Variants in PASK observed in about 807,000 individuals in gnomAD.
PASK encodes PAS domain-containing serine/threonine-protein kinase.
PASK carries 110 observed loss-of-function variants against 121.0 expected under a neutral mutation model. The observed-to-expected ratio is 0.91, with a 90% confidence interval of 0.78 to 1.06. PASK has a LOEUF of 1.06. PASK is among the 50% of genes least tolerant of loss of function. The pLI is 0.00. For synonymous variants in PASK, 686 were observed against 717.8 expected (o/e 0.96, Z 0.71); for missense variants, 1,643 against 1,702.3 (o/e 0.97, Z 0.61).
intron 1 of PASK, among the ~76,000 whole-genome samples, chr2:241,143,983 C>G (rs2125457465): frequency 1.3e-5 from 2 of 152,360 alleles, no homozygotes; most frequent in Middle Eastern, 6.8e-3. Context: ...CTTCCGAGTT[C>G]CCTCTCATGG....
chr2:241,108,111 AG>A lies in PASK; in HGVS notation c.3667+55del. The A allele has an allele frequency of 6.3e-7, 1 of 1,585,826 alleles. No individual in the cohort carries two copies. Among genetic ancestry groups the A allele is most frequent in the Non-Finnish European group, 8.7e-7 (1 of 1,154,394 alleles). ...GAGGAATGAGGAAATGGGAAAAAAA[AG>A]TGGCTGGTCTCTAAGGACAGTGTCG... On this transcript the variant is annotated intron_variant, in intron 16 of 17. Coordinates refer to ENST00000234040, the MANE Select transcript of PASK (RefSeq NM_015148.4). The surrounding 1 kb of genome is among the most constrained non-coding windows in gnomAD (Gnocchi z 5.2).
Position 241,127,141 on chromosome 2 carries a change from C to A in PASK, c.1774G>T (p.Val592Leu), listed in dbSNP as rs149308428. 8.1e-6 allele frequency: 13 copies of A among 1,613,818 alleles called. No individual in the cohort carries two copies. Among genetic ancestry groups the A allele is most frequent in the Non-Finnish European group, 1.1e-5 (13 of 1,179,964 alleles). Residue 592 changes from valine (V) to leucine (L), a missense_variant, in exon 10 of 18, where the codon GTG (valine) becomes TTG (leucine). Around this residue, in one of 3 missense-constraint regions of PASK, gnomAD observed 1,176 missense variants for 1,162.2 expected, o/e 1.01. Coordinates refer to ENST00000234040, the MANE Select transcript of PASK (RefSeq NM_015148.4). Reference protein sequence around the residue: ...SGSDLWAGAAVAKPQAKGQLA... With the variant: ...SGSDLWAGAALAKPQAKGQLA... Reference sequence around the variant, plus strand: ...TGACCCTTGGCCTGGGGCTTGGCCACGGCAGCCCCAGCCCAAAGGTCTGAA... The same window carrying A: ...TGACCCTTGGCCTGGGGCTTGGCCAAGGCAGCCCCAGCCCAAAGGTCTGAA...
chr2:241,126,680 T>C lies in PASK; in HGVS notation c.2235A>G (p.Glu745=), dbSNP rs772720602. Residue 745 remains glutamate, a synonymous_variant, in exon 10 of 18, where the codon GAA becomes GAG. Coordinates refer to ENST00000234040, the MANE Select transcript of PASK (RefSeq NM_015148.4). ...DVNSFSWNLK[E]LFFSDQTDQT... Reference sequence around the variant, plus strand: ...GGTCTGTCTGGTCACTGAAAAAGAGTTCCTTGAGGTTCCAGGAAAACGAAT... The same window carrying C: ...GGTCTGTCTGGTCACTGAAAAAGAGCTCCTTGAGGTTCCAGGAAAACGAAT... The C allele has an allele frequency of 7.4e-6, 12 of 1,613,692 alleles. No individual in the cohort carries two copies. The highest frequency in any genetic ancestry group is 3.3e-4 in the Middle Eastern group (2 of 6,084).
intron 12 of PASK, among the ~76,000 whole-genome samples, chr2:241,119,405 C>T (rs1043451060): frequency 6.6e-6 from 1 of 152,094 alleles, no homozygotes; most frequent in East Asian, 1.9e-4. Flanking sequence ...CTCCTCTACA[C>T]CAATGAGGCC....
intron 9 of PASK, among the ~76,000 whole-genome samples, chr2:241,129,784 C>A (rs2066040270): frequency 6.6e-6 from 1 of 152,212 alleles, no homozygotes; most frequent in Non-Finnish European, 1.5e-5. Context: ...CTGCCGACTG[C>A]ACACAGGCCT....
At chr2:241,139,787 A>G in intron 4 of PASK, 98 bp downstream of exon 4, 1 of 1,178,648 alleles carries the variant, frequency 8.5e-7, no homozygotes, top group African/African-American at 1.5e-5. Context: ...GGTGCCACCC[A>G]ACCCCCAGCA....
intron 15 of PASK, among the ~76,000 whole-genome samples, chr2:241,111,316 C>G (rs1405254618): frequency 6.6e-6 from 1 of 152,186 alleles, no homozygotes; most frequent in African/African-American, 2.4e-5. Flanking sequence ...ATGGGCGGTG[C>G]AGCAGAGCAC....
intron 12 of PASK, among the ~76,000 whole-genome samples, chr2:241,120,288 T>A (rs986318358): frequency 6.6e-6 from 1 of 151,510 alleles, no homozygotes; most frequent in African/African-American, 2.4e-5. Flanking sequence ...AGGTCAGGAG[T>A]TCGAGACCAG....
chr2:241,122,715 C>A lies in PASK; in HGVS notation c.3072+17G>T, dbSNP rs2302049. 1.1e-5 allele frequency: 17 copies of A among 1,612,822 alleles called. No individual in the cohort carries two copies. Among genetic ancestry groups the A allele is most frequent in the Admixed American group, 5.0e-5 (3 of 59,994 alleles). ...GAAGTGGTGCCCGGCGCCACTCCCC[C>A]CCCACAGCCAGGTTACCTCCTTGTT... is the stretch of plus-strand genomic sequence containing the variant. On this transcript the variant is annotated intron_variant, in intron 12 of 17. Coordinates refer to ENST00000234040, the MANE Select transcript of PASK (RefSeq NM_015148.4).
rs371770560 is a variant in PASK at position 241,108,160 on chromosome 2, C to T, written c.3667+7G>A. ...TCGACTGTCTACCACTTGCAGCTCA[C>T]GCTCACCTTTGGACACCAGGTATGG... On this transcript the variant is annotated splice_region_variant and intron_variant, in intron 16 of 17. Coordinates refer to ENST00000234040, the MANE Select transcript of PASK (RefSeq NM_015148.4). This position sits in a 1 kb window ranked among gnomAD's most constrained non-coding sequence, Gnocchi z 5.2. 4.8e-5 allele frequency: 77 copies of T among 1,614,106 alleles called. No homozygotes were observed. The highest frequency in any genetic ancestry group is 6.1e-5 in the Non-Finnish European group (72 of 1,179,980).
Position 241,107,514 on chromosome 2 carries a change from A to T in PASK, c.3668-15T>A. The stretch of plus-strand genomic sequence containing the variant: ...GCTCATGAGTTCTGGGGACACAAAG[A>T]ACACAGATGGTAGGTCCAGATTGGG... On this transcript the variant is annotated splice_polypyrimidine_tract_variant and intron_variant, in intron 16 of 17. Coordinates refer to ENST00000234040, the MANE Select transcript of PASK (RefSeq NM_015148.4). 3 of 1,613,452 alleles carry T rather than the reference A, an allele frequency of 1.9e-6. No individual in the cohort carries two copies. The highest frequency in any genetic ancestry group is 2.5e-6 in the Non-Finnish European group (3 of 1,179,560).
At chr2:241,113,723 C>A (rs777287813) in intron 14 of PASK, 21 of 985,474 alleles carry the variant, frequency 2.1e-5, no homozygotes, top group Non-Finnish European at 2.5e-5. Context: ...GAAAGCTGCT[C>A]TTCCTGCAGA....
upstream of PASK, chr2:241,149,867 G>A (rs2067202107): frequency 6.9e-7 from 1 of 1,454,746 alleles, no homozygotes; most frequent in Admixed American, 2.6e-5. Context: ...CTGGCGCCCC[G>A]GAGCCAGCCA....
intron 9 of PASK, chr2:241,127,761 A>G (rs1575289510): frequency 2.5e-6 from 1 of 401,452 alleles, no homozygotes; most frequent in East Asian, 6.0e-5. Flanking sequence ...ACCCCCCGTC[A>G]GCCGTGCAGC....
chr2:241,148,786 G>A (rs1036005142), intron 1 of PASK, among the ~76,000 whole-genome samples: 5 of 152,216 alleles, frequency 3.3e-5, no homozygotes, highest in African/African-American at 9.6e-5. Context: ...GCAGCAGAAA[G>A]ATGAAGAGAG....
In PASK at chr2:241,126,827, GGAC is replaced by G. The variant is rs1309132581; in HGVS notation, c.2085_2087del (p.Ser696del). 3.1e-6 allele frequency: 5 copies of G among 1,613,396 alleles called. No homozygotes were observed. In the East Asian group the frequency reaches 6.7e-5, roughly 22 times the overall value. ...ACAGGTCTCTGCCTCCCAGATCGCA[GGAC>G]GACACAGGAGCGGTGACAGCCTGGC... On this transcript the variant is annotated inframe_deletion, in exon 10 of 18. Coordinates refer to ENST00000234040, the MANE Select transcript of PASK (RefSeq NM_015148.4).
intron 12 of PASK, among the ~76,000 whole-genome samples, chr2:241,118,115 G>C (rs996421278): frequency 6.6e-6 from 1 of 152,048 alleles, no homozygotes; most frequent in Admixed American, 6.6e-5. Flanking sequence ...TGATTCCTAT[G>C]AGAATCTCAG....
rs1364053280 is a variant in PASK, at chr2:241,136,991, A to AG, written c.1137+12dup. The AG allele has an allele frequency of 4.0e-5, 64 of 1,611,086 alleles. No homozygotes were observed. Among genetic ancestry groups the AG allele is most frequent in the Non-Finnish European group, 5.4e-5 (64 of 1,179,042 alleles). On this transcript the variant is annotated intron_variant, in intron 7 of 17. Coordinates refer to ENST00000234040, the MANE Select transcript of PASK (RefSeq NM_015148.4). Reference sequence around the variant, plus strand: ...CCCAGGGAACGGGAGCCAGGCGCCCAGGGCAGCCCCACCTTGCCCAGGAGC... The same window carrying AG: ...CCCAGGGAACGGGAGCCAGGCGCCCAGGGGCAGCCCCACCTTGCCCAGGAGC...
chr2:241,127,922 C>T (rs564291040), intron 9 of PASK, among the ~76,000 whole-genome samples: 20 of 152,248 alleles, frequency 1.3e-4, no homozygotes, highest in East Asian at 7.7e-4. Context: ...ATTTCACAGC[C>T]GACTAGGGAA....
Sources: allele counts gnomAD v4.1 joint callset (sites outside exome capture counted in the v4.1 genomes callset), GRCh38; gene constraint gnomAD v4.1.1; regional missense constraint gnomAD v4.1.1; non-coding constraint Gnocchi (gnomAD v3.1); transcripts MANE v1.5; gene names NCBI Gene and HGNC (gene_info 2026-07-23, HGNC 2026-07-21).